Variants in RAD51B observed in about 807,000 individuals in gnomAD.
RAD51B encodes DNA repair protein RAD51 homolog 2.
A neutral mutation model predicts 42.2 loss-of-function variants in RAD51B; 38 were observed. That is an observed-to-expected ratio of 0.90 (90% CI 0.70 to 1.18). The LOEUF is 1.18. Among genes scored for constraint, RAD51B ranks in the 50% most tolerant of loss-of-function variants. The pLI is 0.00. For missense variants in RAD51B, 373 were observed against 400.7 expected (o/e 0.93, Z 0.59); for synonymous variants, 154 against 145.2 (o/e 1.06, Z -0.43).
At chr14:68,286,375 C>A (rs977861573) in intron 7 of RAD51B, among the ~76,000 whole-genome samples, 1 of 152,174 alleles carries the variant, frequency 6.6e-6, no homozygotes, top group Non-Finnish European at 1.5e-5. Flanking sequence ...TTTTAAATAT[C>A]GAATAATTAT....
At chr14:68,653,993 C>G (rs1459963545) in intron 11 of RAD51B, among the ~76,000 whole-genome samples, 1 of 152,222 alleles carries the variant, frequency 6.6e-6, no homozygotes, top group Non-Finnish European at 1.5e-5. Flanking sequence ...GACTGGGATG[C>G]TTGCACTTGA....
chr14:68,283,516 C>T (rs1444980157), intron 7 of RAD51B, among the ~76,000 whole-genome samples: 1 of 152,228 alleles, frequency 6.6e-6, no homozygotes, highest in Non-Finnish European at 1.5e-5. Flanking sequence ...TTGGCGAATA[C>T]ACCACTGGAA....
intron 9 of RAD51B, among the ~76,000 whole-genome samples, chr14:68,461,228 G>A (rs11846360): frequency 0.21 from 31,899 of 151,616 alleles, 3,531 homozygotes; most frequent in Non-Finnish European, 0.23. Flanking sequence ...GGGATGAAGG[G>A]CAGAATGAAG....
rs989539772 is a variant in RAD51B at position 68,655,737 on chromosome 14, A to G, written c.*11+4881A>G. ...AGTGGGCCTCTGGCTTCCAGCAGCC[A>G]TGGCCAAGAGGGCAGGGAGGAGCTG... On this transcript the variant is annotated intron_variant, in intron 11 of 11. Transcript: ENST00000488612. 3.3e-5 allele frequency among the ~76,000 whole-genome samples: 5 copies of G among 152,274 alleles called. 1 individual carries two copies. In the Middle Eastern group the frequency reaches 0.017, roughly 518 times the overall value.
chr14:67,993,640 G>A (rs2075334151), intron 7 of RAD51B, among the ~76,000 whole-genome samples: 1 of 151,886 alleles, frequency 6.6e-6, no homozygotes, highest in South Asian at 2.1e-4. Context: ...TTGTGACTAG[G>A]TCTCCAATAA....
At chr14:68,299,081 C>T (rs2081668288) in intron 8 of RAD51B, among the ~76,000 whole-genome samples, 1 of 151,574 alleles carries the variant, frequency 6.6e-6, no homozygotes, top group Admixed American at 6.6e-5. Flanking sequence ...CTCTATCTTC[C>T]CCAGATAGAG....
chr14:68,015,669 G>A (rs2075767790), intron 7 of RAD51B, among the ~76,000 whole-genome samples: 1 of 152,134 alleles, frequency 6.6e-6, no homozygotes, highest in Non-Finnish European at 1.5e-5. Context: ...ACCTCCCACT[G>A]GGTCCCTCCC....
intron 7 of RAD51B, among the ~76,000 whole-genome samples, chr14:68,017,898 G>A (rs1446454525): frequency 1.3e-5 from 2 of 152,086 alleles, no homozygotes; most frequent in African/African-American, 4.8e-5. Context: ...TTGAACCCGG[G>A]AGGCGGAGAT....
At chr14:68,671,577 G>A (rs539916558) in intron 11 of RAD51B, among the ~76,000 whole-genome samples, 8 of 151,170 alleles carry the variant, frequency 5.3e-5, no homozygotes, top group Non-Finnish European at 1.0e-4. Context: ...CCCCGCCTCC[G>A]ACAACCTCTG....
chr14:68,351,796 T>A (rs1390120463), intron 8 of RAD51B, among the ~76,000 whole-genome samples: 1 of 152,166 alleles, frequency 6.6e-6, no homozygotes, highest in Non-Finnish European at 1.5e-5. Context: ...AGAAAAGCTA[T>A]TGACCTGTTT....
intron 8 of RAD51B, among the ~76,000 whole-genome samples, chr14:68,346,086 T>C (rs1176443751): frequency 1.3e-5 from 2 of 152,264 alleles, no homozygotes; most frequent in Non-Finnish European, 2.9e-5. Context: ...ATATTTGTTT[T>C]TGAATGCATG....
At chr14:68,359,994 G>A (rs943128191) in intron 8 of RAD51B, among the ~76,000 whole-genome samples, 1 of 152,208 alleles carries the variant, frequency 6.6e-6, no homozygotes, top group African/African-American at 2.4e-5. Flanking sequence ...CCTGGGCTGG[G>A]CTCCTTAAGT....
At chr14:67,912,096 T>C (rs1315487329) in intron 7 of RAD51B, among the ~76,000 whole-genome samples, 2 of 152,236 alleles carry the variant, frequency 1.3e-5, no homozygotes, top group Non-Finnish European at 2.9e-5. Flanking sequence ...AAGCAAAGCA[T>C]ATTTTAAAAT....
chr14:68,590,620 A>G (rs1270751327), intron 10 of RAD51B, among the ~76,000 whole-genome samples: 1 of 152,198 alleles, frequency 6.6e-6, no homozygotes, highest in Non-Finnish European at 1.5e-5. Flanking sequence ...CACTGCAGGT[A>G]TAAATAAATC....
intron 3 of RAD51B, among the ~76,000 whole-genome samples, chr14:67,826,659 G>A (rs2040842800): frequency 6.6e-6 from 1 of 151,916 alleles, no homozygotes; most frequent in Non-Finnish European, 1.5e-5. Flanking sequence ...ACAATGAACA[G>A]ATATTTGAAC....
intron 10 of RAD51B, among the ~76,000 whole-genome samples, chr14:68,527,408 C>T (rs905326531): frequency 6.6e-6 from 1 of 152,212 alleles, no homozygotes; most frequent in African/African-American, 2.4e-5. Flanking sequence ...GTTTTCTGGG[C>T]TGGCCATTTG....
At chr14:68,392,337 T>A (rs1173396645) in intron 8 of RAD51B, among the ~76,000 whole-genome samples, 1 of 152,202 alleles carries the variant, frequency 6.6e-6, no homozygotes, top group African/African-American at 2.4e-5. Context: ...CATAGGTTCC[T>A]TGGAATGTAG....
chr14:67,902,658 A>G (rs184951447), intron 7 of RAD51B, among the ~76,000 whole-genome samples: 7 of 152,308 alleles, frequency 4.6e-5, no homozygotes. Flanking sequence ...TAGGAGTTGC[A>G]GTGATGAACT....
intron 7 of RAD51B, among the ~76,000 whole-genome samples, chr14:68,134,917 G>A (rs1056668585): frequency 6.6e-6 from 1 of 151,886 alleles, no homozygotes; most frequent in Non-Finnish European, 1.5e-5. Flanking sequence ...GCAGAGCAAA[G>A]GTTTTACATT....
Sources: allele counts gnomAD v4.1 joint callset (sites outside exome capture counted in the v4.1 genomes callset), GRCh38; gene constraint gnomAD v4.1.1; transcripts MANE v1.5; gene names NCBI Gene and HGNC (gene_info 2026-07-23, HGNC 2026-07-21).